CPLANE1: variants seen among roughly 807,000 people sequenced by gnomAD.
CPLANE1 encodes ciliogenesis and planar polarity effector complex subunit 1, also known as ciliogenesis and planar polarity effector 1.
CPLANE1 carries 263 observed loss-of-function variants against 362.5 expected under a neutral mutation model. That is an observed-to-expected ratio of 0.73 (90% CI 0.66 to 0.80). The LOEUF (loss-of-function observed/expected upper bound fraction) is 0.80. Among genes scored for constraint, CPLANE1 ranks in the 30% least tolerant of loss-of-function variants. The pLI is 0.00. For synonymous variants in CPLANE1, 1,212 were observed against 1,302.6 expected, an observed-to-expected ratio of 0.93 and a Z score of 1.50; for missense variants, 3,461 against 3,793.4, an observed-to-expected ratio of 0.91 and a Z score of 2.30.
At position 37,224,714 on chromosome 5, in the gene CPLANE1, T is replaced by G. The variant is rs1057521766; in HGVS notation, c.2318A>C (p.Tyr773Ser). Reference protein sequence around the residue: ...HRLLILWRILYKKTLWYQAQL... With the variant: ...HRLLILWRILSKKTLWYQAQL... ...TGCTTGATACCATAAAGTTTTTTTG[T>G]ACAGTATTCTCCAGAGAATAAGCAA... Residue 773 changes from tyrosine (Y) to serine (S), a missense_variant, in exon 13 of 53, where the codon TAC (tyrosine) becomes TCC (serine). By Grantham distance (144) the Tyr-to-Ser change is moderately radical. This residue lies in a region of CPLANE1 where 3,380 missense variants were observed against 3,666.1 expected (regional missense o/e 0.92). Coordinates refer to ENST00000651892, the MANE Select transcript of CPLANE1 (RefSeq NM_001384732.1). The G allele has an allele frequency of 6.4e-6, 10 of 1,551,006 alleles. No individual in the cohort carries two copies. Among genetic ancestry groups the G allele is most frequent in the Non-Finnish European group, 7.0e-6 (8 of 1,146,584 alleles).
the CPLANE1 span, among the ~76,000 whole-genome samples, chr5:37,096,565 T>G: frequency 6.6e-6 from 1 of 152,174 alleles, no homozygotes; most frequent in Non-Finnish European, 1.5e-5. Flanking sequence ...TGGGTCTTAA[T>G]TAAACTGAAG....
intron 1 of CPLANE1, among the ~76,000 whole-genome samples, chr5:37,248,961 G>A (rs1294288778): frequency 2.6e-5 from 4 of 152,192 alleles, no homozygotes; most frequent in African/African-American, 7.2e-5. Flanking sequence ...GGTGTGGCCC[G>A]AGCCTGGCAC....
At chr5:37,213,788 T>C (rs2150250141) in intron 15 of CPLANE1, 56 bp from the exon 16 acceptor site, 1 of 1,308,704 alleles carries the variant, frequency 7.6e-7, no homozygotes, top group Admixed American at 3.3e-5. Context: ...AAAGTAATAA[T>C]ATTTAAGTTC....
chr5:37,194,880 C>CGGT (rs1012957987), intron 21 of CPLANE1, among the ~76,000 whole-genome samples: 2 of 151,524 alleles, frequency 1.3e-5, no homozygotes, highest in African/African-American at 2.4e-5. Flanking sequence ...TGGCCAGGCG[C>CGGT]GGTGGCTCAC....
chr5:37,155,488 C>T (rs1774823003), intron 41 of CPLANE1, among the ~76,000 whole-genome samples: 1 of 152,188 alleles, frequency 6.6e-6, no homozygotes, highest in Non-Finnish European at 1.5e-5. Context: ...AATCCTCCCG[C>T]CTCAGCCTCT....
the CPLANE1 span, among the ~76,000 whole-genome samples, chr5:37,082,312 C>T: frequency 1.7e-4 from 26 of 152,194 alleles, no homozygotes; most frequent in African/African-American, 6.0e-4. Flanking sequence ...ATTCCAATGA[C>T]ATTTTTCAAA....
the CPLANE1 span, among the ~76,000 whole-genome samples, chr5:37,082,444 C>T: frequency 0.041 from 6,285 of 152,116 alleles, 440 homozygotes; most frequent in African/African-American, 0.14. Flanking sequence ...ATTATAAAGC[C>T]AGAGTAATTC....
chr5:37,157,427 GT>G lies in CPLANE1; in HGVS notation c.8012-8del. 1 of 1,491,298 alleles carries G rather than the reference GT, an allele frequency of 6.7e-7. No individual in the cohort carries two copies. 92.4% of individuals were successfully genotyped at this position (1,491,298 alleles called of 1,614,324 possible). A position where few individuals can be genotyped will look rare whatever the true frequency, so the allele number is the denominator to read the frequency against. ...AGACAAGCTGGAGTTACTTCTGCAG[GT>G]TTAGAAAATAAATCCATAGAGGAAT... On this transcript the variant is annotated splice_polypyrimidine_tract_variant and splice_region_variant and intron_variant, in intron 40 of 52. Transcript: ENST00000651892.
intron 19 of CPLANE1, 141 bp from the exon 20 acceptor site, chr5:37,199,007 G>T: frequency 1.4e-6 from 1 of 697,620 alleles, no homozygotes; most frequent in Non-Finnish European, 2.3e-6. Flanking sequence ...TGAAGCAGGA[G>T]GACTGCTTGA....
chr5:37,210,057 ATGG>A, intron 16 of CPLANE1: 1 of 802,144 alleles, frequency 1.2e-6, no homozygotes, highest in Admixed American at 2.1e-5. Flanking sequence ...AAAAATTAAA[ATGG>A]AAGCAAAAAA....
chr5:37,123,885 GAGA>G (rs1763392184), intron 47 of CPLANE1, among the ~76,000 whole-genome samples: 1 of 151,478 alleles, frequency 6.6e-6, no homozygotes, highest in Non-Finnish European at 1.5e-5. Flanking sequence ...CACTGACAGC[GAGA>G]AGGTAATGTC....
chr5:37,202,021 T>C (rs1338228214), intron 18 of CPLANE1, among the ~76,000 whole-genome samples: 1 of 152,182 alleles, frequency 6.6e-6, no homozygotes, highest in Non-Finnish European at 1.5e-5. Context: ...ATACAAGATA[T>C]TGTAGAAACA....
rs575986978 is a variant in CPLANE1 at position 37,175,891 on chromosome 5, G to A, written c.5978+18C>T. 1.2e-4 allele frequency: 180 copies of A among 1,562,406 alleles called. No individual in the cohort carries two copies. In the South Asian group the frequency reaches 1.9e-3, roughly 17 times the overall value. Reference sequence around the variant, plus strand: ...AACACAACTATTTTTAAATGGTATAGTAGGCAAAACTTCTTACCTAGAAAT... The same window carrying A: ...AACACAACTATTTTTAAATGGTATAATAGGCAAAACTTCTTACCTAGAAAT... On this transcript the variant is annotated intron_variant, in intron 31 of 52. Transcript: ENST00000651892.
In CPLANE1 at chr5:37,110,803, C is replaced by CTTT. The variant is rs529885756; in HGVS notation, c.9401-2335_9401-2333dup. The stretch of plus-strand genomic sequence containing the variant: ...CCCAGAACCTGGGCTAATGTATTAA[C>CTTT]TTTTTTTTTTTTTTTTTTTTTTGAG... On this transcript the variant is annotated intron_variant, in intron 51 of 52. Coordinates refer to ENST00000651892, the MANE Select transcript of CPLANE1 (RefSeq NM_001384732.1). Among the ~76,000 whole-genome samples, 202 of 125,008 alleles carry CTTT rather than the reference C, an allele frequency of 1.6e-3. 1 individual carries two copies. The highest frequency in any genetic ancestry group is 4.4e-3 in the African/African-American group (143 of 32,794). 82.0% of individuals were successfully genotyped at this position (125,008 alleles called of 152,430 possible). A position where few individuals can be genotyped will look rare whatever the true frequency, so the allele number is the denominator to read the frequency against.
chr5:37,136,500 A>G (rs554504655), intron 46 of CPLANE1, among the ~76,000 whole-genome samples: 1 of 152,272 alleles, frequency 6.6e-6, no homozygotes, highest in African/African-American at 2.4e-5. Context: ...CTGTCGGTAA[A>G]TCTACCATTC....
rs1199522555 is a variant in CPLANE1 at position 37,226,364 on chromosome 5, C to A, written c.2231G>T (p.Trp744Leu). ...AGGATGAATCTTGAAAAATGAGTTC[C>A]AAGACCAGTTTTTCTGAAAACCACT... ...QDSGFQKNWS[W>L]NSFFKIHPQV... The change falls in exon 12 of 53, where the codon TGG becomes TTG. Residue 744 changes from tryptophan (W) to leucine (L), a missense_variant. Trp to Leu is a moderately conservative substitution (Grantham distance 61). This residue lies in a region of CPLANE1 where 3,380 missense variants were observed against 3,666.1 expected (regional missense o/e 0.92). Coordinates refer to ENST00000651892, the MANE Select transcript of CPLANE1 (RefSeq NM_001384732.1). 5.8e-6 allele frequency: 9 copies of A among 1,548,138 alleles called. No homozygotes were observed. Among genetic ancestry groups the A allele is most frequent in the Admixed American group, 4.0e-5 (2 of 50,166 alleles).
Position 37,201,787 on chromosome 5 carries a change from G to T in CPLANE1, c.3311C>A (p.Ala1104Glu). ...QFTDPIEEEDANLLFGSVQEV... is the reference protein window; with the variant it reads ...QFTDPIEEEDENLLFGSVQEV... ...TTGTACTGAACCAAATAGCAGATTT[G>T]CATCTTCCTCTTCAATGGGATCTAT... The change falls in exon 19 of 53, where the codon GCA becomes GAA. Residue 1104 changes from alanine (A) to glutamate (E), a missense_variant. Around this residue, in one of 2 missense-constraint regions of CPLANE1, gnomAD observed 3,380 missense variants for 3,666.1 expected, o/e 0.92. Transcript: ENST00000651892. 6.2e-7 allele frequency: 1 copy of T among 1,612,054 alleles called. No individual in the cohort carries two copies. Among genetic ancestry groups the T allele is most frequent in the Admixed American group, 1.7e-5 (1 of 59,950 alleles).
intron 46 of CPLANE1, among the ~76,000 whole-genome samples, chr5:37,138,109 G>T (rs958971996): frequency 1.3e-5 from 2 of 152,092 alleles, no homozygotes; most frequent in African/African-American, 4.8e-5. Flanking sequence ...TTTCTGCTTT[G>T]ATGATATGTC....
chr5:37,180,763 C>T (rs556549255), intron 27 of CPLANE1, 94 bp downstream of exon 27: 6 of 1,234,224 alleles, frequency 4.9e-6, no homozygotes, highest in Non-Finnish European at 6.9e-6. Flanking sequence ...ATGCTCATTC[C>T]TTTAACTTTC....
Sources: gnomAD v4.1 joint callset for allele counts (sites outside exome capture counted in the v4.1 genomes callset) on GRCh38, gnomAD v4.1.1 for gene constraint, gnomAD v4.1.1 regional missense constraint, MANE v1.5 for transcripts, NCBI Gene and HGNC (gene_info 2026-07-23, HGNC 2026-07-21) for gene names.